Variants in SRD5A2 observed in about 807,000 individuals in gnomAD.
SRD5A2 encodes 3-oxo-5-alpha-steroid 4-dehydrogenase 2.
SRD5A2 carries 30 observed loss-of-function variants against 27.4 expected under a neutral mutation model. The observed-to-expected ratio is 1.10, with a 90% CI of 0.82 to 1.49. SRD5A2 has a LOEUF of 1.49. SRD5A2 is among the 40% of genes most tolerant of loss of function. The pLI, the probability that SRD5A2 is intolerant of heterozygous loss-of-function variation, is 0.00. For synonymous variants in SRD5A2, 141 were observed against 133.6 expected (o/e 1.06, Z -0.38); for missense variants, 348 against 323.4 (o/e 1.08, Z -0.58).
At chr2:31,587,480 T>C in the SRD5A2 span, among the ~76,000 whole-genome samples, 11 of 152,252 alleles carry the variant, frequency 7.2e-5, no homozygotes, top group African/African-American at 2.4e-4. Context: ...CTATTTACAA[T>C]AGCAAAGTCA....
chr2:31,571,127 C>A (rs536630545), intron 1 of SRD5A2, among the ~76,000 whole-genome samples: 1 of 152,306 alleles, frequency 6.6e-6, no homozygotes, highest in African/African-American at 2.4e-5. Context: ...AACTACACTA[C>A]AAGGCTACAG....
At chr2:31,569,218 TACC>T (rs1374145838) in intron 1 of SRD5A2, among the ~76,000 whole-genome samples, 1 of 152,268 alleles carries the variant, frequency 6.6e-6, no homozygotes, top group East Asian at 1.9e-4. Flanking sequence ...AGGCTGCTGC[TACC>T]ACCATTTGTA....
chr2:31,604,823 T>A, the SRD5A2 span, among the ~76,000 whole-genome samples: 2 of 151,642 alleles, frequency 1.3e-5, no homozygotes, highest in East Asian at 3.9e-4. Context: ...GTATATGGAT[T>A]CACAGAAGAC....
intron 4 of SRD5A2, among the ~76,000 whole-genome samples, 167 bp downstream of exon 4, chr2:31,529,140 T>C (rs1665846289): frequency 6.6e-6 from 1 of 152,204 alleles, no homozygotes; most frequent in African/African-American, 2.4e-5. Flanking sequence ...AACTTCCAAC[T>C]TCAATACAAG....
At chr2:31,627,836 GGTAA>G in the SRD5A2 span, among the ~76,000 whole-genome samples, 8 of 152,026 alleles carry the variant, frequency 5.3e-5, no homozygotes, top group East Asian at 1.4e-3. Flanking sequence ...CAAAGAATAT[GGTAA>G]GTATGATTTT....
the SRD5A2 span, among the ~76,000 whole-genome samples, chr2:31,627,888 C>T: frequency 2.3e-3 from 353 of 151,926 alleles, no homozygotes; most frequent in African/African-American, 7.6e-3. Flanking sequence ...TGGTTTTATG[C>T]CAAATTACGT....
the SRD5A2 span, among the ~76,000 whole-genome samples, chr2:31,662,782 A>G: frequency 6.6e-6 from 1 of 152,292 alleles, no homozygotes; most frequent in African/African-American, 2.4e-5. Context: ...AATCTACTGA[A>G]GTGGGCACCC....
the SRD5A2 span, among the ~76,000 whole-genome samples, chr2:31,589,805 C>A: frequency 6.6e-6 from 1 of 151,926 alleles, no homozygotes; most frequent in Admixed American, 6.6e-5. Flanking sequence ...AAGGGAAGGG[C>A]AGGCAGGGAA....
intron 1 of SRD5A2, among the ~76,000 whole-genome samples, chr2:31,545,662 G>A (rs948530481): frequency 7.2e-5 from 11 of 152,274 alleles, no homozygotes; most frequent in Non-Finnish European, 1.5e-4. Context: ...CAAGGCAAGG[G>A]TGCTGCTTTT....
chr2:31,584,621 T>C (rs1367889854), upstream of SRD5A2, among the ~76,000 whole-genome samples: 1 of 152,154 alleles, frequency 6.6e-6, no homozygotes, highest in Non-Finnish European at 1.5e-5. Flanking sequence ...GCTTGATAAT[T>C]CACTAAAAAA....
At chr2:31,652,257 T>C in the SRD5A2 span, among the ~76,000 whole-genome samples, 3 of 152,184 alleles carry the variant, frequency 2.0e-5, no homozygotes, top group South Asian at 6.2e-4. Context: ...CACCCAGCCC[T>C]AGTCACTGTT....
chr2:31,647,945 G>A, the SRD5A2 span, among the ~76,000 whole-genome samples: 6 of 152,240 alleles, frequency 3.9e-5, no homozygotes, highest in East Asian at 1.2e-3. Context: ...AAATAACCTT[G>A]CATGTGTATT....
chr2:31,530,967 A>G (rs535054624), intron 3 of SRD5A2, among the ~76,000 whole-genome samples: 16 of 152,210 alleles, frequency 1.1e-4, no homozygotes, highest in Non-Finnish European at 1.9e-4. Flanking sequence ...TGCTCACAAG[A>G]TAAGTCTAGA....
the SRD5A2 span, among the ~76,000 whole-genome samples, chr2:31,624,642 A>G: frequency 1.3e-5 from 2 of 152,116 alleles, no homozygotes; most frequent in East Asian, 1.9e-4. Context: ...TTTGCTGAGA[A>G]TGATGGTTTC....
the SRD5A2 span, chr2:31,651,656 G>A: frequency 1.3e-5 from 2 of 158,166 alleles, no homozygotes; most frequent in Non-Finnish European, 2.8e-5. Context: ...TAGCCCACCT[G>A]CAGCACATCA....
rs994794561 is a variant in SRD5A2, at chr2:31,546,029, T to C, written c.282-12263A>G. On this transcript the variant is annotated intron_variant, in intron 1 of 4. Coordinates refer to ENST00000622030, the MANE Select transcript of SRD5A2 (RefSeq NM_000348.4). ...CGTGAAAGACTTGTACAGTAAAAAA[T>C]TATAAAATATTGCTGAAAGAAGTTA... Among the ~76,000 whole-genome samples, 3 of 152,076 alleles carry C rather than the reference T, an allele frequency of 2.0e-5. No homozygotes were observed. The East Asian group carries it at 5.8e-4, about 29-fold the overall frequency.
chr2:31,605,447 G>A, the SRD5A2 span, among the ~76,000 whole-genome samples: 1 of 145,838 alleles, frequency 6.9e-6, no homozygotes, highest in Non-Finnish European at 1.5e-5. Flanking sequence ...AACTCTGTAG[G>A]AAAAAAAACC....
intron 1 of SRD5A2, among the ~76,000 whole-genome samples, chr2:31,541,001 T>A (rs550127725): frequency 6.6e-6 from 1 of 152,290 alleles, no homozygotes; most frequent in South Asian, 2.1e-4. Flanking sequence ...TGAAATGACT[T>A]CCAGAGATTT....
intron 1 of SRD5A2, among the ~76,000 whole-genome samples, chr2:31,542,333 C>T (rs1021897224): frequency 2.6e-5 from 4 of 152,074 alleles, no homozygotes; most frequent in African/African-American, 9.7e-5. Context: ...CATAGTGAGA[C>T]CTCATCTCTA....
Sources: allele counts gnomAD v4.1 joint callset (sites outside exome capture counted in the v4.1 genomes callset), GRCh38; gene constraint gnomAD v4.1.1; transcripts MANE v1.5; gene names NCBI Gene and HGNC (gene_info 2026-07-23, HGNC 2026-07-21).